The following ERBB4 variants were observed in gnomAD, a reference collection of about 807,000 sequenced individuals.
ERBB4 encodes receptor tyrosine-protein kinase erbB-4.
Under a neutral mutation model 158.0 loss-of-function variants are expected in ERBB4, and 42 were observed. The observed-to-expected ratio is 0.27, with a 90% CI of 0.21 to 0.34. ERBB4 has a LOEUF of 0.34. Ranked by LOEUF, ERBB4 falls within the 10% of genes least tolerant of loss-of-function variation. ERBB4 has a pLI of 1.00. For missense variants in ERBB4, 1,333 were observed against 1,624.1 expected, an observed-to-expected ratio of 0.82 and a Z score of 3.08; for synonymous variants, 583 against 558.7, an observed-to-expected ratio of 1.04 and a Z score of -0.61.
chr2:211,878,094 C>T (rs962261497), intron 3 of ERBB4, among the ~76,000 whole-genome samples: 1 of 152,120 alleles, frequency 6.6e-6, no homozygotes, highest in African/African-American at 2.4e-5. Flanking sequence ...AGGAACAGAG[C>T]GAGACGCCAT....
At chr2:212,467,857 G>C (rs1023752847) in intron 1 of ERBB4, among the ~76,000 whole-genome samples, 2 of 152,224 alleles carry the variant, frequency 1.3e-5, no homozygotes, top group Non-Finnish European at 2.9e-5. Flanking sequence ...GCCCATGAAA[G>C]CAGCTGGAAG....
chr2:211,675,891 T>G (rs1427047521), intron 13 of ERBB4, among the ~76,000 whole-genome samples: 1 of 150,368 alleles, frequency 6.7e-6, no homozygotes, highest in East Asian at 1.9e-4. Flanking sequence ...GCCATTCTAT[T>G]TAACCATTTA....
At chr2:211,562,120 A>C (rs770585216) in intron 19 of ERBB4, 32 bp from the exon 20 acceptor site, 2 of 1,595,748 alleles carry the variant, frequency 1.3e-6, no homozygotes, top group African/African-American at 1.3e-5. Context: ...CCATGATTTC[A>C]ACTCAAATTT....
intron 3 of ERBB4, among the ~76,000 whole-genome samples, chr2:211,917,997 G>A (rs988870183): frequency 6.6e-6 from 1 of 152,160 alleles, no homozygotes; most frequent in South Asian, 2.1e-4. Flanking sequence ...AGAATGGAGA[G>A]AAAACATGAA....
chr2:211,791,141 AT>A (rs2076271357), intron 3 of ERBB4, among the ~76,000 whole-genome samples: 1 of 151,912 alleles, frequency 6.6e-6, no homozygotes, highest in African/African-American at 2.4e-5. Flanking sequence ...AGAGATACAA[AT>A]TATTTACTTG....
At chr2:212,221,702 C>T (rs1422353916) in intron 1 of ERBB4, among the ~76,000 whole-genome samples, 2 of 151,386 alleles carry the variant, frequency 1.3e-5, no homozygotes, top group East Asian at 3.9e-4. Context: ...AAATCTTATC[C>T]TAAATTTTAT....
chr2:211,463,710 C>T (rs1233819919), intron 20 of ERBB4, among the ~76,000 whole-genome samples: 1 of 100,022 alleles, frequency 1.0e-5, no homozygotes, highest in Non-Finnish European at 2.6e-5. Context: ...ATCCTCCTCC[C>T]CTCCTACAGC....
rs566196239 is a variant in ERBB4 at position 212,137,173 on chromosome 2, CT to C, written c.83-12271del. ...ACAAGTACAGTCACAATCAACTTTC[CT>C]TTTTTTAACTTTTATTTTAAGTTCC... On this transcript the variant is annotated intron_variant, in intron 1 of 27. Transcript: ENST00000342788. Among the ~76,000 whole-genome samples, 12 of 152,134 alleles carry C rather than the reference CT, an allele frequency of 7.9e-5. 1 individual carries two copies. In the South Asian group the frequency reaches 1.9e-3, roughly 24 times the overall value.
At chr2:212,159,740 A>T (rs1458015362) in intron 1 of ERBB4, among the ~76,000 whole-genome samples, 1 of 152,056 alleles carries the variant, frequency 6.6e-6, no homozygotes, top group Non-Finnish European at 1.5e-5. Flanking sequence ...AGATGAAATT[A>T]AAATCATTTT....
chr2:212,234,198 G>T (rs1035697308), intron 1 of ERBB4, among the ~76,000 whole-genome samples: 3 of 151,786 alleles, frequency 2.0e-5, no homozygotes, highest in Non-Finnish European at 4.4e-5. Flanking sequence ...TGTTCTTATT[G>T]TTCAATTCCC....
chr2:211,689,857 G>A (rs138770508), intron 12 of ERBB4, among the ~76,000 whole-genome samples: 1,932 of 151,892 alleles, frequency 0.013, 22 homozygotes, highest in Non-Finnish European at 0.02. Context: ...TGTATTATGA[G>A]AACAACTTGT....
In ERBB4 at chr2:211,750,901, C is replaced by T. The variant is rs182759571; in HGVS notation, c.557-197G>A. On this transcript the variant is annotated intron_variant, in intron 4 of 27. Coordinates refer to ENST00000342788, the MANE Select transcript of ERBB4 (RefSeq NM_005235.3). ...AAACATATGTGAAACTAAAGTACAA[C>T]CTCCTGGTATTCAAATCCTCTTATC... Among the ~76,000 whole-genome samples the T allele has an allele frequency of 2.6e-3, 394 of 152,244 alleles. 1 individual carries two copies. The highest frequency in any genetic ancestry group is 8.9e-3 in the African/African-American group (369 of 41,554).
intron 1 of ERBB4, among the ~76,000 whole-genome samples, chr2:212,513,597 G>T (rs751902557): frequency 2.0e-5 from 3 of 152,246 alleles, no homozygotes; most frequent in African/African-American, 7.2e-5. Flanking sequence ...TGGATCAAGA[G>T]GTCAGGAGAT....
chr2:212,126,627 G>A (rs2079938994), intron 1 of ERBB4, among the ~76,000 whole-genome samples: 2 of 151,930 alleles, frequency 1.3e-5, no homozygotes, highest in Non-Finnish European at 2.9e-5. Context: ...TATTAATAAT[G>A]GTATGTAAAG....
At chr2:211,405,607 G>A (rs905426379) in intron 25 of ERBB4, among the ~76,000 whole-genome samples, 40 of 152,050 alleles carry the variant, frequency 2.6e-4, no homozygotes, top group Admixed American at 4.6e-4. Context: ...CACATTCTGC[G>A]TCCTTTCTTC....
At chr2:211,588,354 ATAAAT>A (rs759298310) in intron 19 of ERBB4, among the ~76,000 whole-genome samples, 3 of 152,270 alleles carry the variant, frequency 2.0e-5, no homozygotes, top group Non-Finnish European at 2.9e-5. Flanking sequence ...ACTTCAAAAA[ATAAAT>A]TAAAACAAAA....
chr2:212,217,775 T>C (rs1187038327), intron 1 of ERBB4, among the ~76,000 whole-genome samples: 1 of 151,364 alleles, frequency 6.6e-6, no homozygotes, highest in Non-Finnish European at 1.5e-5. Context: ...TGATAGTTTT[T>C]ATAATTTAAT....
chr2:211,407,754 G>A (rs990755615), intron 25 of ERBB4, among the ~76,000 whole-genome samples: 12 of 152,198 alleles, frequency 7.9e-5, no homozygotes, highest in African/African-American at 2.7e-4. Context: ...AGAACACGCT[G>A]CTATGTCAGA....
At chr2:211,450,875 A>C (rs754950383) in intron 20 of ERBB4, among the ~76,000 whole-genome samples, 1 of 152,192 alleles carries the variant, frequency 6.6e-6, no homozygotes, top group Non-Finnish European at 1.5e-5. Context: ...ACTACAGTGA[A>C]GGCACCACGA....
Sources: allele counts gnomAD v4.1 joint callset (sites outside exome capture counted in the v4.1 genomes callset), GRCh38; gene constraint gnomAD v4.1.1; transcripts MANE v1.5; gene names NCBI Gene and HGNC (gene_info 2026-07-23, HGNC 2026-07-21).